The following BCKDHB variants were observed in gnomAD, a reference collection of about 807,000 sequenced individuals.
The protein encoded by BCKDHB is branched chain keto acid dehydrogenase E1 subunit beta, also known as 2-oxoisovalerate dehydrogenase subunit beta, mitochondrial.
A neutral mutation model predicts 48.5 loss-of-function variants in BCKDHB; 41 were observed. The ratio of observed to expected loss-of-function variants is 0.85; its 90% confidence interval spans 0.66 to 1.10. The LOEUF is 1.10. BCKDHB is among the 50% of genes least tolerant of loss of function. The pLI is 0.00. For synonymous variants in BCKDHB, 201 were observed against 174.8 expected (o/e 1.15, Z -1.18); for missense variants, 496 against 494.2 (o/e 1.00, Z -0.03).
intron 3 of BCKDHB, among the ~76,000 whole-genome samples, chr6:80,141,511 A>C (rs1771211170): frequency 2.6e-5 from 4 of 152,154 alleles, no homozygotes; most frequent in Admixed American, 2.6e-4. Flanking sequence ...AGCTACCAAC[A>C]GGTGTTCTCT....
chr6:80,194,374 A>C (rs1774039958), intron 6 of BCKDHB, among the ~76,000 whole-genome samples: 2 of 152,226 alleles, frequency 1.3e-5, no homozygotes, highest in African/African-American at 4.8e-5. Flanking sequence ...GATCAATACC[A>C]GGACATTAGC....
intron 8 of BCKDHB, among the ~76,000 whole-genome samples, chr6:80,207,126 G>T (rs1351304510): frequency 1.3e-5 from 2 of 151,972 alleles, no homozygotes; most frequent in Admixed American, 6.6e-5. Flanking sequence ...GATTCTAAAA[G>T]AAAATATGGA....
At chr6:80,407,532 T>A in the BCKDHB span, among the ~76,000 whole-genome samples, 93 of 152,342 alleles carry the variant, frequency 6.1e-4, no homozygotes, top group Non-Finnish European at 1.1e-3. Flanking sequence ...TTTTATTTCA[T>A]TGAGCAGTGG....
the BCKDHB span, among the ~76,000 whole-genome samples, chr6:80,379,652 A>G: frequency 6.6e-6 from 1 of 151,700 alleles, no homozygotes; most frequent in East Asian, 1.9e-4. Flanking sequence ...GAGGGTGTCC[A>G]ATTATCTCTG....
the BCKDHB span, among the ~76,000 whole-genome samples, chr6:80,359,295 C>T: frequency 4.5e-4 from 69 of 152,278 alleles, 1 homozygote; most frequent in African/African-American, 1.6e-3. Flanking sequence ...TCTTTGGGCT[C>T]TCTTCCCTTG....
chr6:80,463,693 T>A, the BCKDHB span, among the ~76,000 whole-genome samples: 889 of 152,318 alleles, frequency 5.8e-3, 2 homozygotes, highest in Non-Finnish European at 9.8e-3. Context: ...TTGGCTATGT[T>A]CAAGGCTTAA....
intron 9 of BCKDHB, among the ~76,000 whole-genome samples, chr6:80,332,841 G>T (rs1050283853): frequency 1.3e-5 from 2 of 151,730 alleles, no homozygotes; most frequent in Admixed American, 1.3e-4. Context: ...CCTGCATGCA[G>T]GCAAACGGCT....
the BCKDHB span, among the ~76,000 whole-genome samples, chr6:80,440,347 T>A: frequency 3.9e-5 from 6 of 152,314 alleles, no homozygotes; most frequent in East Asian, 1.2e-3. Flanking sequence ...CTTTACCAGA[T>A]GGCTTCCTTA....
At chr6:80,388,034 T>A in the BCKDHB span, among the ~76,000 whole-genome samples, 1 of 152,174 alleles carries the variant, frequency 6.6e-6, no homozygotes, top group Non-Finnish European at 1.5e-5. Context: ...AGGTGAAGCA[T>A]AAGTTACTGC....
At chr6:80,436,298 A>G in the BCKDHB span, among the ~76,000 whole-genome samples, 62 of 151,594 alleles carry the variant, frequency 4.1e-4, no homozygotes, top group African/African-American at 1.5e-3. Context: ...AGCTGGGACT[A>G]CAGGTGACCG....
intron 9 of BCKDHB, among the ~76,000 whole-genome samples, chr6:80,286,020 A>G (rs949066890): frequency 1.3e-5 from 2 of 152,142 alleles, no homozygotes; most frequent in African/African-American, 4.8e-5. Context: ...CCTGAAGAAT[A>G]TATGAATTAA....
intron 1 of BCKDHB, among the ~76,000 whole-genome samples, chr6:80,115,899 G>A (rs976822262): frequency 8.3e-6 from 1 of 120,916 alleles, no homozygotes; most frequent in African/African-American, 3.3e-5. Context: ...GCCTCCCAAT[G>A]CTGGAGTTTC....
At chr6:80,156,054 T>C (rs1772030866) in intron 3 of BCKDHB, among the ~76,000 whole-genome samples, 1 of 152,048 alleles carries the variant, frequency 6.6e-6, no homozygotes, top group African/African-American at 2.4e-5. Flanking sequence ...TCAATTATTT[T>C]ATTTGTCCAC....
chr6:80,122,200 G>GTTGAC (rs1770064366), intron 1 of BCKDHB, among the ~76,000 whole-genome samples: 1 of 152,236 alleles, frequency 6.6e-6, no homozygotes, highest in Admixed American at 6.5e-5. Context: ...CAGGGATGAA[G>GTTGAC]TTGACTTGAT....
chr6:80,215,703 A>G (rs986263823), intron 8 of BCKDHB, among the ~76,000 whole-genome samples: 1 of 152,222 alleles, frequency 6.6e-6, no homozygotes, highest in Non-Finnish European at 1.5e-5. Context: ...TTTAAAGAAG[A>G]TTAAAATAAT....
the BCKDHB span, among the ~76,000 whole-genome samples, chr6:80,395,640 A>T: frequency 1.3e-5 from 2 of 152,234 alleles, no homozygotes; most frequent in Non-Finnish European, 2.9e-5. Context: ...TTCTGGGGAG[A>T]AATTCAAGGT....
the BCKDHB span, among the ~76,000 whole-genome samples, chr6:80,407,175 G>T: frequency 1.3e-5 from 2 of 152,106 alleles, no homozygotes; most frequent in Non-Finnish European, 2.9e-5. Context: ...TAGATGTGTG[G>T]TGTTATTTCT....
At chr6:80,422,880 G>T in the BCKDHB span, among the ~76,000 whole-genome samples, 1 of 152,142 alleles carries the variant, frequency 6.6e-6, no homozygotes, top group Admixed American at 6.5e-5. Flanking sequence ...TCTCAGATGA[G>T]ACTTTGGACT....
chr6:80,232,968 A>T (rs761109169), intron 8 of BCKDHB, among the ~76,000 whole-genome samples: 11 of 151,904 alleles, frequency 7.2e-5, no homozygotes, highest in Middle Eastern at 6.8e-3. Flanking sequence ...TAGGAATATC[A>T]TGAGTAGATT....
Sources: gnomAD v4.1 joint callset for allele counts (sites outside exome capture counted in the v4.1 genomes callset) on GRCh38, gnomAD v4.1.1 for gene constraint, MANE v1.5 for transcripts, NCBI Gene and HGNC (gene_info 2026-07-23, HGNC 2026-07-21) for gene names.